The following ZNF503 variants were observed in gnomAD, a reference collection of about 807,000 sequenced individuals.
ZNF503 encodes zinc finger protein 503, also known as NocA-like zinc finger 2.
A neutral mutation model predicts 34.4 loss-of-function variants in ZNF503; 15 were observed. The observed-to-expected ratio is 0.44, with a 90% confidence interval of 0.29 to 0.67. ZNF503 has a LOEUF of 0.67. ZNF503 is among the 30% of genes least tolerant of loss of function. The pLI, the probability that ZNF503 is intolerant of heterozygous loss-of-function variation, is 0.13. For missense variants in ZNF503, 1,007 were observed against 926.8 expected (o/e 1.09, Z -1.12); for synonymous variants, 580 against 456.8 (o/e 1.27, Z -3.44).
chr10:75,397,222 TG>T (rs1364602134), downstream of ZNF503, among the ~76,000 whole-genome samples: 1 of 43,630 alleles, frequency 2.3e-5, no homozygotes, highest in Non-Finnish European at 5.1e-5. Flanking sequence ...CGGGTGGGGG[TG>T]GGGGTGAGGG....
At chr10:75,301,570 T>A in the ZNF503 span, among the ~76,000 whole-genome samples, 1 of 152,184 alleles carries the variant, frequency 6.6e-6, no homozygotes, top group Non-Finnish European at 1.5e-5. Flanking sequence ...TTGCTTATTG[T>A]CTTTTTTATT....
the ZNF503 span, among the ~76,000 whole-genome samples, chr10:75,320,580 G>C: frequency 1.3e-5 from 2 of 152,194 alleles, no homozygotes; most frequent in African/African-American, 4.8e-5. Flanking sequence ...CACTTTGGGA[G>C]GCCAAGATGG....
chr10:75,396,106 C>A (rs542583399), downstream of ZNF503, among the ~76,000 whole-genome samples: 1 of 152,226 alleles, frequency 6.6e-6, no homozygotes, highest in South Asian at 2.1e-4. This position sits in a 1 kb window ranked among gnomAD's most constrained non-coding sequence, Gnocchi z 4.4. Flanking sequence ...CGTGGGACCC[C>A]GGCTGCAGCA....
chr10:75,367,449 G>T, the ZNF503 span, among the ~76,000 whole-genome samples: 2 of 152,340 alleles, frequency 1.3e-5, no homozygotes, highest in South Asian at 4.1e-4. Flanking sequence ...GGCGTTTGTG[G>T]CTGCTGCAGC....
chr10:75,291,870 C>A, the ZNF503 span, among the ~76,000 whole-genome samples: 3 of 152,332 alleles, frequency 2.0e-5, no homozygotes, highest in East Asian at 5.8e-4. Context: ...GAGGGGTCAG[C>A]TGCAGCTCTG....
chr10:75,372,691 G>A, the ZNF503 span, among the ~76,000 whole-genome samples: 1 of 152,188 alleles, frequency 6.6e-6, no homozygotes, highest in South Asian at 2.1e-4. Flanking sequence ...TTTCAGAGTT[G>A]ACTGCAAGAT....
At chr10:75,379,339 C>T in the ZNF503 span, among the ~76,000 whole-genome samples, 284 of 152,178 alleles carry the variant, frequency 1.9e-3, no homozygotes, top group African/African-American at 6.6e-3. Context: ...TGACCATTAA[C>T]GATGTTGATT....
At chr10:75,349,481 A>G in the ZNF503 span, among the ~76,000 whole-genome samples, 1 of 152,246 alleles carries the variant, frequency 6.6e-6, no homozygotes, top group Non-Finnish European at 1.5e-5. Context: ...TATTATTAAT[A>G]ATAGTGGCTG....
chr10:75,306,053 A>T, the ZNF503 span, among the ~76,000 whole-genome samples: 1 of 152,324 alleles, frequency 6.6e-6, no homozygotes, highest in East Asian at 1.9e-4. Flanking sequence ...TGGTGCATAC[A>T]TGCAGAAGAA....
chr10:75,305,270 T>C, the ZNF503 span, among the ~76,000 whole-genome samples: 11 of 152,132 alleles, frequency 7.2e-5, no homozygotes. Flanking sequence ...ACAGACTTTT[T>C]TGATAAATCA....
At chr10:75,341,815 G>A in the ZNF503 span, among the ~76,000 whole-genome samples, 2 of 152,110 alleles carry the variant, frequency 1.3e-5, no homozygotes, top group South Asian at 2.1e-4. Flanking sequence ...CTAAGTTTGT[G>A]CAAGCCTAAT....
chr10:75,300,704 C>CTTTTTTTTTTT, the ZNF503 span, among the ~76,000 whole-genome samples: 63 of 108,728 alleles, frequency 5.8e-4, 1 homozygote, highest in African/African-American at 1.1e-3. Flanking sequence ...TTCTTTCTTT[C>CTTTTTTTTTTT]TTTTTTTTTT....
chr10:75,310,249 G>A, the ZNF503 span, among the ~76,000 whole-genome samples: 1 of 152,156 alleles, frequency 6.6e-6, no homozygotes, highest in Non-Finnish European at 1.5e-5. Context: ...GTGGATAAAA[G>A]AAGAAAGACA....
Position 75,399,870 on chromosome 10 carries a change from C to A in ZNF503, c.820G>T (p.Gly274Trp). ...CCGTGTGCCAGCCCCGTGGGTCCCC[C>A]TTCGGCCGAGGCGCCCCCGGTGCCC... ...GKGTGGASAEGGPTGLAHGRI... is the reference protein window; with the variant it reads ...GKGTGGASAEWGPTGLAHGRI... The change falls in exon 2 of 2, where the codon GGG becomes TGG. Residue 274 changes from glycine to tryptophan, a missense_variant. Gly to Trp is a radical substitution (Grantham distance 184, BLOSUM62 -2). Coordinates refer to ENST00000372524, the MANE Select transcript of ZNF503 (RefSeq NM_032772.6). The A allele has an allele frequency of 6.2e-7, 1 of 1,600,752 alleles. No individual in the cohort carries two copies. Among genetic ancestry groups the A allele is most frequent in the East Asian group, 2.3e-5 (1 of 44,310 alleles).
the ZNF503 span, chr10:75,350,549 A>T: frequency 2.0e-5 from 3 of 152,042 alleles, no homozygotes; most frequent in Non-Finnish European, 4.4e-5. Context: ...TGCTTTGGCC[A>T]TTTCTGTTTT....
At chr10:75,337,587 C>T in the ZNF503 span, among the ~76,000 whole-genome samples, 18 of 150,884 alleles carry the variant, frequency 1.2e-4, no homozygotes, top group African/African-American at 3.9e-4. Context: ...CACTGCCCTC[C>T]AGCCTGGGTG....
chr10:75,373,458 A>G, the ZNF503 span: 6 of 152,096 alleles, frequency 3.9e-5, no homozygotes, highest in Non-Finnish European at 7.4e-5. Flanking sequence ...TATCTTTCCA[A>G]CCGAAGACAC....
chr10:75,311,174 G>A, the ZNF503 span, among the ~76,000 whole-genome samples: 8 of 152,276 alleles, frequency 5.3e-5, no homozygotes, highest in East Asian at 9.7e-4. Context: ...TCCAATGTTC[G>A]AGGGCAGGAA....
At chr10:75,336,906 G>A in the ZNF503 span, among the ~76,000 whole-genome samples, 1 of 152,292 alleles carries the variant, frequency 6.6e-6, no homozygotes, top group East Asian at 1.9e-4. Context: ...GAATTCTCCT[G>A]CCTTATTTTT....
Sources: gnomAD v4.1 joint callset for allele counts (sites outside exome capture counted in the v4.1 genomes callset) on GRCh38, gnomAD v4.1.1 for gene constraint, Gnocchi (gnomAD v3.1) non-coding constraint, MANE v1.5 for transcripts, NCBI Gene and HGNC (gene_info 2026-07-23, HGNC 2026-07-21) for gene names.